The following SCN1A variants were observed in gnomAD, a reference collection of about 807,000 sequenced individuals.
SCN1A encodes the protein sodium voltage-gated channel alpha subunit 1.
In SCN1A, 13 loss-of-function variants were observed where a neutral mutation model predicts 193.7. That is an observed-to-expected ratio of 0.07 (90% CI 0.04 to 0.11). SCN1A has a LOEUF of 0.11. Ranked by LOEUF, SCN1A falls within the 10% of genes least tolerant of loss-of-function variation. The pLI, the probability that SCN1A is intolerant of heterozygous loss-of-function variation, is 1.00. For synonymous variants in SCN1A, 781 were observed against 843.6 expected (o/e 0.93, Z 1.29); for missense variants, 1,432 against 2,451.1 (o/e 0.58, Z 8.78).
At chr2:166,090,856 T>A (rs1686727381) in intron 2 of SCN1A, among the ~76,000 whole-genome samples, 1 of 152,238 alleles carries the variant, frequency 6.6e-6, no homozygotes, top group Admixed American at 6.5e-5. Flanking sequence ...TTCATATTCT[T>A]GTTTGTTAAT....
intron 19 of SCN1A, among the ~76,000 whole-genome samples, chr2:166,035,275 G>T (rs533615249): frequency 1.6e-4 from 24 of 152,228 alleles, no homozygotes; most frequent in African/African-American, 5.8e-4. Context: ...CCAGGTTATT[G>T]TAAGGATTAA....
rs1392398456 is a variant in SCN1A, at chr2:166,045,156, C to T, written c.1549G>A (p.Glu517Lys). The T allele has an allele frequency of 6.2e-7, 1 of 1,614,138 alleles. No individual in the cohort carries two copies. Among genetic ancestry groups the T allele is most frequent in the Non-Finnish European group, 8.5e-7 (1 of 1,180,014 alleles). ...GATTCAGATTTTTGGAATTCATCCT[C>T]ATCTTTCTCTTCCCCACCAGACTGC... ...KEQSGGEEKDEDEFQKSESED... is the reference protein window; with the variant it reads ...KEQSGGEEKDKDEFQKSESED... The change falls in exon 13 of 29, where the codon GAG becomes AAG. Residue 517 changes from glutamate to lysine, a missense_variant. Around this residue, in one of 18 missense-constraint regions of SCN1A, gnomAD observed 316 missense variants for 362.1 expected, o/e 0.87. Coordinates refer to ENST00000674923, the MANE Select transcript of SCN1A (RefSeq NM_001165963.4).
In SCN1A at chr2:165,996,014, C is replaced by T. The variant is rs751929295; in HGVS notation, c.4580G>A (p.Gly1527Glu). 1.9e-6 allele frequency: 3 copies of T among 1,589,022 alleles called. No individual in the cohort carries two copies. The highest frequency in any genetic ancestry group is 2.6e-6 in the Non-Finnish European group (3 of 1,158,438). The change falls in exon 27 of 29, where the codon GGA becomes GAA. Residue 1527 changes from glycine (G) to glutamate (E), a missense_variant and splice_region_variant. Transcript: ENST00000674923. ...KKPQKPIPRP[G>E]NKFQGMVFDF... ...CCCATATCATTTGATACTTCTTACTCCTGGTCGAGGTATAGGCTTTTGCGG... is the reference window on the plus strand; with the variant it reads ...CCCATATCATTTGATACTTCTTACTTCTGGTCGAGGTATAGGCTTTTGCGG...
intron 2 of SCN1A, among the ~76,000 whole-genome samples, chr2:166,111,162 T>C (rs1689255291): frequency 6.6e-6 from 1 of 152,162 alleles, no homozygotes; most frequent in African/African-American, 2.4e-5. Context: ...GAAGATGCCA[T>C]CTAGGACTTT....
intron 22 of SCN1A, among the ~76,000 whole-genome samples, chr2:166,010,179 A>T (rs72871943): frequency 6.6e-6 from 1 of 150,982 alleles, no homozygotes; most frequent in Non-Finnish European, 1.5e-5. Context: ...CCTTTATTTT[A>T]TTAAGTTGCT....
At chr2:166,093,329 G>C (rs1027356954) in intron 2 of SCN1A, among the ~76,000 whole-genome samples, 4 of 151,660 alleles carry the variant, frequency 2.6e-5, no homozygotes, top group South Asian at 2.1e-4. Context: ...GGGATTTTCA[G>C]TTGAATTCTT....
chr2:166,105,818 A>C (rs554667011), intron 2 of SCN1A, among the ~76,000 whole-genome samples: 92 of 152,330 alleles, frequency 6.0e-4, no homozygotes, highest in East Asian at 3.9e-4. Context: ...CTATAAACTG[A>C]AGCATTTGAA....
intron 24 of SCN1A, 86 bp from the exon 25 acceptor site, chr2:165,999,862 T>C (rs912560448): frequency 7.7e-6 from 8 of 1,038,944 alleles, no homozygotes; most frequent in African/African-American, 3.1e-5. Context: ...GATATAATTT[T>C]CAAAAGGGAA....
chr2:166,120,714 AG>A (rs779387661), intron 2 of SCN1A, among the ~76,000 whole-genome samples: 3 of 145,342 alleles, frequency 2.1e-5, no homozygotes, highest in Non-Finnish European at 4.5e-5. Flanking sequence ...CCCGGGTTCA[AG>A]TGACTCTCCT....
rs561912072 is a variant in SCN1A, at chr2:166,039,460, T to C, written c.2552A>G (p.Asn851Ser). The C allele has an allele frequency of 3.1e-6, 5 of 1,613,378 alleles. No homozygotes were observed. The highest frequency in any genetic ancestry group is 1.1e-5 in the South Asian group (1 of 91,054). Residue 851 changes from asparagine (N) to serine (S), a missense_variant, in exon 17 of 29, where the codon AAT becomes AGT. By Grantham distance (46) the Asn-to-Ser change is conservative (BLOSUM62 1). This residue lies in a region of SCN1A where 93 missense variants were observed against 260.4 expected (regional missense o/e 0.36). Coordinates refer to ENST00000674923, the MANE Select transcript of SCN1A (RefSeq NM_001165963.4). ...TLSLVELGLA[N>S]VEGLSVLRSF... ...ACGGAGAACAGATAATCCTTCCACA[T>C]TGGCGAGTCCAAGTTCTACCAGGCT...
intron 12 of SCN1A, among the ~76,000 whole-genome samples, chr2:166,045,778 G>T (rs1697759256): frequency 6.6e-6 from 1 of 152,092 alleles, no homozygotes; most frequent in Admixed American, 6.6e-5. Flanking sequence ...ATTGAAATTG[G>T]ATTGTCCAAT....
At position 165,987,496 on chromosome 2, in the gene SCN1A, C is replaced by T. The variant is rs1447094698; in HGVS notation, c.*3749G>A. 1 of 152,046 alleles carries T rather than the reference C, an allele frequency of 6.6e-6. No homozygotes were observed. Among genetic ancestry groups the T allele is most frequent in the Non-Finnish European group, 1.5e-5 (1 of 68,008 alleles). The allele number at this position is 152,046 out of a possible 1,614,324, so 9.4% of individuals were successfully genotyped here. A position where few individuals can be genotyped will look rare whatever the true frequency, so the allele number is the denominator to read the frequency against. ...TGCCAAATAGTGATTTTTCTAACTCCGTTATTTCTTCTACAATTGTTAATT... is the reference window on the plus strand; with the variant it reads ...TGCCAAATAGTGATTTTTCTAACTCTGTTATTTCTTCTACAATTGTTAATT... On this transcript the variant is annotated 3_prime_UTR_variant, in exon 29 of 29. Transcript: ENST00000674923.
In SCN1A at chr2:166,049,060, A is replaced by G; in HGVS notation, c.965-111T>C. 3 of 723,808 alleles carry G rather than the reference A, an allele frequency of 4.1e-6. No individual in the cohort carries two copies. In the South Asian group the frequency reaches 4.6e-5, roughly 11 times the overall value. The allele number at this position is 723,808 out of a possible 1,614,324, so 44.8% of individuals were successfully genotyped here. ...AAGTTTATTGAGTAATTTTAAATAT[A>G]TTATTCATTCAAAGGCACAAGTATT... On this transcript the variant is annotated intron_variant, in intron 9 of 28. Transcript: ENST00000674923.
chr2:166,107,241 C>G (rs1002557138), intron 2 of SCN1A, among the ~76,000 whole-genome samples: 16 of 152,132 alleles, frequency 1.1e-4, no homozygotes, highest in African/African-American at 3.6e-4. Context: ...CGACTGACTT[C>G]TACCTCCCAG....
At chr2:166,030,410 G>A (rs1178534564) in intron 19 of SCN1A, among the ~76,000 whole-genome samples, 2 of 145,818 alleles carry the variant, frequency 1.4e-5, no homozygotes, top group Admixed American at 1.3e-4. Flanking sequence ...GAATTACTAA[G>A]GACCTCACAT....
chr2:166,039,745 A>C, intron 16 of SCN1A, 149 bp from the exon 17 acceptor site: 1 of 691,334 alleles, frequency 1.4e-6, no homozygotes, highest in Non-Finnish European at 2.5e-6. Context: ...TTGATGAAAG[A>C]CTTTCATATA....
At chr2:166,005,349 T>C (rs957181649) in intron 23 of SCN1A, among the ~76,000 whole-genome samples, 2 of 151,322 alleles carry the variant, frequency 1.3e-5, no homozygotes, top group Admixed American at 6.6e-5. Context: ...ATGAGAATAA[T>C]TAAGGAACTG....
chr2:166,061,179 C>T (rs1683268302), intron 4 of SCN1A, among the ~76,000 whole-genome samples: 2 of 152,106 alleles, frequency 1.3e-5, no homozygotes, highest in East Asian at 1.9e-4. Context: ...GATGCTGGCT[C>T]CTTGGCCACT....
intron 2 of SCN1A, among the ~76,000 whole-genome samples, chr2:166,093,168 C>T (rs1209165356): frequency 6.6e-6 from 1 of 151,508 alleles, no homozygotes; most frequent in African/African-American, 2.4e-5. Context: ...CTGGCCATGA[C>T]CAAGCAGAGG....
Sources: allele counts gnomAD v4.1 joint callset (sites outside exome capture counted in the v4.1 genomes callset), GRCh38; gene constraint gnomAD v4.1.1; regional missense constraint gnomAD v4.1.1; transcripts MANE v1.5; gene names NCBI Gene and HGNC (gene_info 2026-07-23, HGNC 2026-07-21).